Variants in SNX5 observed in about 807,000 individuals in gnomAD.
SNX5 encodes the protein sorting nexin 5, also known as sorting nexin-5.
A neutral mutation model predicts 53.9 loss-of-function variants in SNX5; 31 were observed. That is an observed-to-expected ratio of 0.58 (90% CI 0.43 to 0.78). The LOEUF is 0.78. Ranked by LOEUF, SNX5 falls within the 30% of genes least tolerant of loss-of-function variation. The pLI is 0.00. For missense variants in SNX5, 471 were observed against 478.8 expected (o/e 0.98, Z 0.15); for synonymous variants, 168 against 171.1 (o/e 0.98, Z 0.14).
At chr20:17,947,693 T>A in intron 10 of SNX5, 48 bp from the exon 11 acceptor site, 1 of 1,517,216 alleles carries the variant, frequency 6.6e-7, no homozygotes, top group East Asian at 2.4e-5. Context: ...TAAACCAGTC[T>A]AAAAAATAGC....
intron 11 of SNX5, chr20:17,945,558 G>A (rs1436932716): frequency 2.0e-5 from 3 of 151,768 alleles, no homozygotes; most frequent in Non-Finnish European, 4.4e-5. Context: ...CATGAAACTG[G>A]CCTATAAGAT....
intron 11 of SNX5, among the ~76,000 whole-genome samples, chr20:17,946,483 A>G (rs1345979320): frequency 1.3e-5 from 2 of 152,232 alleles, no homozygotes. Context: ...CAAAGTCTGG[A>G]CAGGCATCAA....
At chr20:17,967,891 C>T in intron 1 of SNX5, 1 of 397,022 alleles carries the variant, frequency 2.5e-6, no homozygotes, top group Non-Finnish European at 4.4e-6. Flanking sequence ...TTGTAAGCAG[C>T]ATGTTCGGAC....
Position 17,941,703 on chromosome 20 carries a change from A to G in SNX5, c.*654T>C, listed in dbSNP as rs920578915. 5.3e-5 allele frequency: 8 copies of G among 152,338 alleles called. No individual in the cohort carries two copies. Among genetic ancestry groups the G allele is most frequent in the African/African-American group, 1.7e-4 (7 of 41,448 alleles). The allele number at this position is 152,338 out of a possible 1,614,324, so 9.4% of individuals were successfully genotyped here. ...CCAGCGGCCATTAGGGAGGGGGCTT[A>G]TACTTTTCCTAATGTAGATCTGGCC... On this transcript the variant is annotated 3_prime_UTR_variant, in exon 13 of 13. Coordinates refer to ENST00000377759, the MANE Select transcript of SNX5 (RefSeq NM_014426.4).
intron 10 of SNX5, among the ~76,000 whole-genome samples, chr20:17,948,122 G>A (rs898362116): frequency 6.6e-6 from 1 of 152,202 alleles, no homozygotes; most frequent in African/African-American, 2.4e-5. Flanking sequence ...TCTTACAACA[G>A]AGTAGAAGTT....
intron 3 of SNX5, 101 bp downstream of exon 3, chr20:17,955,264 A>G: frequency 1.3e-6 from 1 of 776,206 alleles, no homozygotes; most frequent in Non-Finnish European, 2.1e-6. Flanking sequence ...ATGAAATCTA[A>G]CTTTTCACAA....
At chr20:17,950,540 C>A (rs1182233981) in intron 6 of SNX5, 144 bp from the exon 7 acceptor site, 3 of 580,030 alleles carry the variant, frequency 5.2e-6, no homozygotes, top group Non-Finnish European at 9.1e-6. Context: ...CAGGGAATTA[C>A]AAATTTACGA....
rs1174955471 is a variant in SNX5, at chr20:17,965,941, A to C, written c.51+2434T>G. Among the ~76,000 whole-genome samples, 2 of 152,050 alleles carry C rather than the reference A, an allele frequency of 1.3e-5. 1 individual carries two copies. The stretch of plus-strand genomic sequence containing the variant: ...AAAGTTCAGGATTGTTCCTATACTA[A>C]CCAACTGCACTCCATTCTAGCTAAT... On this transcript the variant is annotated intron_variant, in intron 1 of 12. Coordinates refer to ENST00000377759, the MANE Select transcript of SNX5 (RefSeq NM_014426.4).
Position 17,949,047 on chromosome 20 carries a change from A to G in SNX5, c.831+17T>C. On this transcript the variant is annotated intron_variant, in intron 9 of 12. Transcript: ENST00000377759. ...TTATAAAATATATATTATGAAGACC[A>G]ACACAGAAATCCTTACCCTTAGTTT... The G allele has an allele frequency of 6.2e-7, 1 of 1,611,292 alleles. No homozygotes were observed.
Position 17,943,222 on chromosome 20 carries a change from A to G in SNX5, c.1079-27T>C, listed in dbSNP as rs748921692. ...TACAGGAAGAAAAAATGTTTATGAA[A>G]CCAAGAAAAACTAAACAATTTTCAT... On this transcript the variant is annotated intron_variant, in intron 11 of 12. Coordinates refer to ENST00000377759, the MANE Select transcript of SNX5 (RefSeq NM_014426.4). 8.4e-6 allele frequency: 12 copies of G among 1,427,526 alleles called. No homozygotes were observed. In the East Asian group the frequency reaches 2.0e-4, roughly 24 times the overall value. The allele number at this position is 1,427,526 out of a possible 1,614,324, so 88.4% of individuals were successfully genotyped here.
At chr20:17,946,860 C>T (rs966580464) in intron 11 of SNX5, among the ~76,000 whole-genome samples, 2 of 152,138 alleles carry the variant, frequency 1.3e-5, no homozygotes, top group Admixed American at 1.3e-4. Flanking sequence ...ATCAAAATTA[C>T]CACCACGAAT....
Position 17,951,512 on chromosome 20 carries a change from A to G in SNX5, c.597T>C (p.Phe199=), listed in dbSNP as rs1169945560. ...SVVKSADEVL[F]TGVKEVDDFF... is the part of the protein sequence containing the mutation. ...AAAGGTCACTTACCTTAACTCCAGT[A>G]AAAAGGACTTCATCAGCACTTTTCA... Residue 199 remains phenylalanine (F), a synonymous_variant, in exon 6 of 13, where the codon TTT becomes TTC. Transcript: ENST00000377759. 1 of 1,609,872 alleles carries G rather than the reference A, an allele frequency of 6.2e-7. No homozygotes were observed. Among genetic ancestry groups the G allele is most frequent in the Admixed American group, 1.7e-5 (1 of 60,010 alleles).
intron 10 of SNX5, among the ~76,000 whole-genome samples, chr20:17,948,120 C>G (rs573143768): frequency 6.6e-6 from 1 of 152,276 alleles, no homozygotes; most frequent in East Asian, 1.9e-4. Context: ...AATCTTACAA[C>G]AGAGTAGAAG....
At chr20:17,955,797 T>C (rs1185650732) in intron 2 of SNX5, among the ~76,000 whole-genome samples, 2 of 152,308 alleles carry the variant, frequency 1.3e-5, no homozygotes, top group East Asian at 3.9e-4. Context: ...TTTGTTTATA[T>C]ACATTTTTGG....
chr20:17,959,228 CCA>C (rs1251773261), intron 1 of SNX5, among the ~76,000 whole-genome samples: 1 of 152,200 alleles, frequency 6.6e-6, no homozygotes, highest in African/African-American at 2.4e-5. Flanking sequence ...CATTTGTGCA[CCA>C]CAGTTAAAGC....
In SNX5 at chr20:17,951,469, A is replaced by T. The variant is rs753233625; in HGVS notation, c.609+31T>A. 10 of 1,435,648 alleles carry T rather than the reference A, an allele frequency of 7.0e-6. No homozygotes were observed. The East Asian group carries it at 2.0e-4, about 29-fold the overall frequency. 88.9% of individuals were successfully genotyped at this position (1,435,648 alleles called of 1,614,324 possible). On this transcript the variant is annotated intron_variant, in intron 6 of 12. Coordinates refer to ENST00000377759, the MANE Select transcript of SNX5 (RefSeq NM_014426.4). ...GGTCACCTATTCCCGATGAAGTAAAAAATTTTCTCCAACAGCCAAAGGTCA... is the reference window on the plus strand; with the variant it reads ...GGTCACCTATTCCCGATGAAGTAAATAATTTTCTCCAACAGCCAAAGGTCA...
intron 10 of SNX5, among the ~76,000 whole-genome samples, chr20:17,947,979 G>GT (rs2039509905): frequency 1.3e-5 from 2 of 152,186 alleles, no homozygotes; most frequent in Non-Finnish European, 2.9e-5. Context: ...TCACTGCTGG[G>GT]TAAGTCAAGT....
rs1482105412 is a variant in SNX5, at chr20:17,942,315, C to T, written c.*42G>A. The stretch of plus-strand genomic sequence containing the variant: ...TGATTTAAGTGCAAGTGATGCTTGG[C>T]TTTCTTTCACATTCATTTCTTTTCT... On this transcript the variant is annotated 3_prime_UTR_variant, in exon 13 of 13. Transcript: ENST00000377759. The T allele has an allele frequency of 7.5e-7, 1 of 1,338,038 alleles. No individual in the cohort carries two copies. The highest frequency in any genetic ancestry group is 2.3e-5 in the East Asian group (1 of 43,534). The allele number at this position is 1,338,038 out of a possible 1,614,324, so 82.9% of individuals were successfully genotyped here.
chr20:17,954,359 A>G, intron 3 of SNX5: 1 of 450,284 alleles, frequency 2.2e-6, no homozygotes, highest in Non-Finnish European at 3.8e-6. Context: ...TATCCATTAT[A>G]GACAATTGTT....
Sources: gnomAD v4.1 joint callset for allele counts (sites outside exome capture counted in the v4.1 genomes callset) on GRCh38, gnomAD v4.1.1 for gene constraint, MANE v1.5 for transcripts, NCBI Gene and HGNC (gene_info 2026-07-23, HGNC 2026-07-21) for gene names.